LINGO1: variants seen among roughly 807,000 people sequenced by gnomAD.
LINGO1 encodes leucine-rich repeat and immunoglobulin-like domain-containing nogo receptor-interacting protein 1.
Under a neutral mutation model 37.3 loss-of-function variants are expected in LINGO1, and 11 were observed. The observed-to-expected ratio is 0.29, with a 90% CI of 0.19 to 0.49. LINGO1 has a LOEUF of 0.49. LINGO1 is among the 20% of genes least tolerant of loss of function. LINGO1 has a pLI of 0.99. For synonymous variants in LINGO1, 387 were observed against 403.0 expected (o/e 0.96, Z 0.48); for missense variants, 585 against 878.2 (o/e 0.67, Z 4.22).
At chr15:77,728,637 C>G (rs577426272) in intron 2 of LINGO1, among the ~76,000 whole-genome samples, 1 of 152,234 alleles carries the variant, frequency 6.6e-6, no homozygotes, top group African/African-American at 2.4e-5. Flanking sequence ...TCTCTGGGCC[C>G]GTTTCCATGT....
At chr15:77,751,068 C>CT (rs2076366355) in intron 1 of LINGO1, among the ~76,000 whole-genome samples, 2 of 152,144 alleles carry the variant, frequency 1.3e-5, no homozygotes, top group Non-Finnish European at 2.9e-5. Flanking sequence ...TGTACCATCT[C>CT]CCTCTCTGTG....
chr15:77,614,488 C>A lies in LINGO1; in HGVS notation c.1419G>T (p.Arg473=). The A allele has an allele frequency of 1.9e-6, 3 of 1,610,270 alleles. No homozygotes were observed. The Admixed American group carries it at 5.0e-5, about 27-fold the overall frequency. The part of the protein sequence containing the change: ...KHLVSAKSNG[R]LTVFPDGTLE... Reference sequence around the variant, plus strand: ...GCGTGCCATCAGGGAAGACTGTGAGCCGCCCATTGCTCTTGGCTGAGACCA... The same window carrying A: ...GCGTGCCATCAGGGAAGACTGTGAGACGCCCATTGCTCTTGGCTGAGACCA... Residue 473 remains arginine, a synonymous_variant, in exon 2 of 2, where the codon CGG becomes CGT. Coordinates refer to ENST00000355300, the MANE Select transcript of LINGO1 (RefSeq NM_032808.7).
At chr15:77,811,348 A>C (rs1001996474) in intron 1 of LINGO1, among the ~76,000 whole-genome samples, 1 of 152,240 alleles carries the variant, frequency 6.6e-6, no homozygotes, top group Admixed American at 6.5e-5. Context: ...AAAGAGGGTC[A>C]CTTCCTGTTT....
chr15:77,774,068 G>A (rs1201380369), intron 1 of LINGO1, among the ~76,000 whole-genome samples: 3 of 152,126 alleles, frequency 2.0e-5, no homozygotes, highest in Non-Finnish European at 4.4e-5. Flanking sequence ...CACAGCTCCT[G>A]AGGACAGGGG....
intron 1 of LINGO1, among the ~76,000 whole-genome samples, chr15:77,796,366 CAG>C (rs1214489707): frequency 1.3e-5 from 2 of 152,216 alleles, no homozygotes; most frequent in Admixed American, 6.6e-5. Flanking sequence ...CTGGGAAGCG[CAG>C]AGTTTGTGGC....
At chr15:77,752,676 G>A (rs758313078) in intron 1 of LINGO1, among the ~76,000 whole-genome samples, 9 of 152,216 alleles carry the variant, frequency 5.9e-5, no homozygotes, top group Non-Finnish European at 1.3e-4. Flanking sequence ...AGAGGTAGGG[G>A]CTCGGATTCT....
At position 77,743,096 on chromosome 15, in the gene LINGO1, G is replaced by C. The variant is rs185021323; in HGVS notation, c.-256-8043C>G. On this transcript the variant is annotated intron_variant, in intron 1 of 3. Transcript: ENST00000561686. The stretch of plus-strand genomic sequence containing the variant: ...GGAGAGATGGAGTGACTGAAAGGGT[G>C]GGGGGTGGAAGGAGAGCCCTCCTGG... Among the ~76,000 whole-genome samples the C allele has an allele frequency of 7.2e-5, 11 of 152,292 alleles. No homozygotes were observed. The East Asian group carries it at 1.4e-3, about 19-fold the overall frequency.
rs766890349 is a variant in LINGO1 at position 77,614,627 on chromosome 15, C to T, written c.1280G>A (p.Arg427Gln). The T allele has an allele frequency of 3.1e-5, 50 of 1,611,448 alleles. No homozygotes were observed. Among genetic ancestry groups the T allele is most frequent in the South Asian group, 2.4e-4 (22 of 90,722 alleles). Residue 427 changes from arginine (R) to glutamine (Q), a missense_variant, in exon 2 of 2, where the codon CGG becomes CAG. Transcript: ENST00000355300. ...AAACACCTGCTGGGCCTTGCGGTCC[C>T]GGATGCGGGCGCGGCGGCAGGTGAA... Reference protein sequence around the residue: ...NYFTCRRARIRDRKAQQVFVD... With the variant: ...NYFTCRRARIQDRKAQQVFVD...
chr15:77,819,120 C>T (rs2077073858), intron 1 of LINGO1, among the ~76,000 whole-genome samples: 1 of 150,052 alleles, frequency 6.7e-6, no homozygotes, highest in South Asian at 2.1e-4. Flanking sequence ...CGGACGCGCA[C>T]CCAGCACCCC....
chr15:77,778,747 C>G (rs1317926192), intron 1 of LINGO1, among the ~76,000 whole-genome samples: 1 of 152,180 alleles, frequency 6.6e-6, no homozygotes, highest in East Asian at 1.9e-4. Context: ...TCAACAGCCT[C>G]CCCCTAGGGC....
chr15:77,700,474 C>T (rs1447268056), upstream of LINGO1, among the ~76,000 whole-genome samples: 1 of 152,148 alleles, frequency 6.6e-6, no homozygotes, highest in Non-Finnish European at 1.5e-5. Context: ...GTTTCGGGCA[C>T]ATACCCTGTG....
intron 3 of LINGO1, among the ~76,000 whole-genome samples, chr15:77,652,483 AGTGTGTGTGT>A (rs773433884): frequency 0.021 from 2,709 of 128,952 alleles, 36 homozygotes; most frequent in Non-Finnish European, 0.028. Flanking sequence ...GGGGAGGGAG[AGTGTGTGTGT>A]GTGTGTGTGT....
intron 3 of LINGO1, chr15:77,641,983 G>A (rs1446890707): frequency 2.8e-5 from 13 of 456,550 alleles, no homozygotes; most frequent in South Asian, 1.1e-4. Flanking sequence ...TCTCTGAGCC[G>A]CTTTCCATTC....
At chr15:77,624,394 G>A (rs575468940) in intron 1 of LINGO1, among the ~76,000 whole-genome samples, 1 of 152,192 alleles carries the variant, frequency 6.6e-6, no homozygotes, top group East Asian at 1.9e-4. Flanking sequence ...TGGTGTGATT[G>A]TCTGCCTGCT....
chr15:77,656,294 A>T (rs947722661), intron 3 of LINGO1, among the ~76,000 whole-genome samples: 2 of 151,996 alleles, frequency 1.3e-5, no homozygotes, highest in African/African-American at 2.4e-5. Context: ...AGACAGCTCC[A>T]CTGCTCCCTC....
intron 2 of LINGO1, among the ~76,000 whole-genome samples, chr15:77,702,505 A>G (rs1410833970): frequency 6.6e-6 from 1 of 152,286 alleles, no homozygotes; most frequent in Non-Finnish European, 1.5e-5. Context: ...GAAAGCCTCA[A>G]CAAAACACAG....
intron 3 of LINGO1, among the ~76,000 whole-genome samples, chr15:77,674,746 A>G (rs1433476348): frequency 1.3e-5 from 2 of 151,662 alleles, no homozygotes; most frequent in Non-Finnish European, 2.9e-5. Flanking sequence ...CAAGTTGCCC[A>G]ACACTTCCCA....
upstream of LINGO1, among the ~76,000 whole-genome samples, chr15:77,634,903 T>C (rs2074365993): frequency 6.6e-6 from 1 of 152,086 alleles, no homozygotes; most frequent in South Asian, 2.1e-4. Context: ...GCAGACCCGC[T>C]GGGGGGCGGG....
Position 77,613,923 on chromosome 15 carries a change from G to A in LINGO1, c.*121C>T. On this transcript the variant is annotated 3_prime_UTR_variant, in exon 2 of 2. Coordinates refer to ENST00000355300, the MANE Select transcript of LINGO1 (RefSeq NM_032808.7). Reference sequence around the variant, plus strand: ...GGCAGCAGGGGACGGAGGCGGGAGGGAGAAAGAGAACGTGTGTAGAAGGGT... The same window carrying A: ...GGCAGCAGGGGACGGAGGCGGGAGGAAGAAAGAGAACGTGTGTAGAAGGGT... 2 of 835,158 alleles carry A rather than the reference G, an allele frequency of 2.4e-6. No individual in the cohort carries two copies. The highest frequency in any genetic ancestry group is 1.7e-5 in the African/African-American group (1 of 58,266). 51.7% of individuals were successfully genotyped at this position (835,158 alleles called of 1,614,324 possible). A position where few individuals can be genotyped will look rare whatever the true frequency, so the allele number is the denominator to read the frequency against.
Sources: allele counts gnomAD v4.1 joint callset (sites outside exome capture counted in the v4.1 genomes callset), GRCh38; gene constraint gnomAD v4.1.1; transcripts MANE v1.5; gene names NCBI Gene and HGNC (gene_info 2026-07-23, HGNC 2026-07-21).